UNC13C: variants seen among roughly 807,000 people sequenced by gnomAD.
UNC13C encodes the protein protein unc-13 homolog C.
UNC13C carries 174 observed loss-of-function variants against 245.4 expected under a neutral mutation model. The observed-to-expected ratio is 0.71, with a 90% CI of 0.63 to 0.80. The LOEUF (loss-of-function observed/expected upper bound fraction) is 0.80, where lower values mean the gene tolerates loss of function less well. UNC13C is among the 30% of genes least tolerant of loss of function. The pLI is 0.00. For synonymous variants in UNC13C, 992 were observed against 895.1 expected (o/e 1.11, Z -1.93); for missense variants, 2,829 against 2,602.9 (o/e 1.09, Z -1.89).
the UNC13C span, among the ~76,000 whole-genome samples, chr15:53,887,120 G>T: frequency 6.6e-6 from 1 of 152,060 alleles, no homozygotes; most frequent in Non-Finnish European, 1.5e-5. Context: ...TATCAATATG[G>T]CTTCATTAAT....
Position 54,516,223 on chromosome 15 carries a change from C to G in UNC13C, c.5457+4393C>G, listed in dbSNP as rs74016640. On this transcript the variant is annotated intron_variant, in intron 24 of 32. Coordinates refer to ENST00000260323, the MANE Select transcript of UNC13C (RefSeq NM_001080534.3). ...ATTAATCTTCATCATTTTTCACTTG[C>G]CACTAGCCTCTCAACTTTAAACGTG... 2.4e-3 allele frequency among the ~76,000 whole-genome samples: 362 copies of G among 152,244 alleles called. 3 individuals are homozygous for G. Among genetic ancestry groups the G allele is most frequent in the African/African-American group, 8.4e-3 (349 of 41,558 alleles).
chr15:54,475,119 G>GT (rs1023196892), intron 19 of UNC13C, among the ~76,000 whole-genome samples: 42 of 151,864 alleles, frequency 2.8e-4, no homozygotes, highest in Middle Eastern at 3.4e-3. Context: ...TGATTTGTCT[G>GT]TTTTTTCTTT....
intron 2 of UNC13C, among the ~76,000 whole-genome samples, chr15:54,109,958 C>G (rs996202327): frequency 6.6e-6 from 1 of 152,086 alleles, no homozygotes; most frequent in African/African-American, 2.4e-5. Flanking sequence ...TCATTTCCAG[C>G]TATTGTTGCA....
At chr15:54,388,606 T>G (rs1051471995) in intron 17 of UNC13C, among the ~76,000 whole-genome samples, 1 of 152,296 alleles carries the variant, frequency 6.6e-6, no homozygotes, top group African/African-American at 2.4e-5. Context: ...GCAAGTCACA[T>G]TCTTATTTAT....
At chr15:54,356,185 A>G (rs1398644574) in intron 17 of UNC13C, among the ~76,000 whole-genome samples, 1 of 152,230 alleles carries the variant, frequency 6.6e-6, no homozygotes, top group African/African-American at 2.4e-5. Context: ...TGATGCTAGA[A>G]AGACATGATA....
At chr15:54,461,545 A>G (rs2141026083) in intron 19 of UNC13C, among the ~76,000 whole-genome samples, 1 of 152,316 alleles carries the variant, frequency 6.6e-6, no homozygotes, top group East Asian at 1.9e-4. Flanking sequence ...TCTTCATTTT[A>G]ATATTAAAAA....
chr15:53,991,547 C>T (rs1894389631), intron 1 of UNC13C, among the ~76,000 whole-genome samples: 1 of 151,974 alleles, frequency 6.6e-6, no homozygotes, highest in African/African-American at 2.4e-5. Flanking sequence ...CTAGATCAGA[C>T]TTGGTGAATC....
chr15:54,260,923 G>C (rs1417688786), intron 8 of UNC13C, among the ~76,000 whole-genome samples: 1 of 151,794 alleles, frequency 6.6e-6, no homozygotes, highest in Admixed American at 6.6e-5. Flanking sequence ...AAGTTTAGAT[G>C]TTTTGTCTGA....
At chr15:54,333,129 T>C (rs964290164) in intron 15 of UNC13C, among the ~76,000 whole-genome samples, 3 of 152,082 alleles carry the variant, frequency 2.0e-5, no homozygotes, top group South Asian at 2.1e-4. Flanking sequence ...TAGAAAAGCA[T>C]GTTAACATGT....
intron 19 of UNC13C, among the ~76,000 whole-genome samples, chr15:54,451,641 GT>G (rs1436638505): frequency 2.0e-5 from 3 of 151,840 alleles, no homozygotes; most frequent in African/African-American, 7.3e-5. Context: ...TCTTTTGTAT[GT>G]TTCTCATTTA....
intron 2 of UNC13C, among the ~76,000 whole-genome samples, chr15:54,105,113 A>T (rs569521441): frequency 6.6e-6 from 1 of 152,230 alleles, no homozygotes; most frequent in Non-Finnish European, 1.5e-5. Flanking sequence ...TGATAGTTCA[A>T]TAGTTCTTAT....
chr15:54,202,209 G>T (rs2034545737), intron 4 of UNC13C, among the ~76,000 whole-genome samples: 1 of 151,872 alleles, frequency 6.6e-6, no homozygotes, highest in Non-Finnish European at 1.5e-5. Flanking sequence ...GCTCATAGAT[G>T]GATAGAATCA....
At chr15:54,133,408 C>T (rs1466220573) in intron 2 of UNC13C, among the ~76,000 whole-genome samples, 4 of 151,964 alleles carry the variant, frequency 2.6e-5, no homozygotes, top group African/African-American at 9.7e-5. Context: ...TGCTGTTCGC[C>T]GAGTAAATAT....
At chr15:54,443,296 T>C (rs1890632129) in intron 19 of UNC13C, among the ~76,000 whole-genome samples, 1 of 152,120 alleles carries the variant, frequency 6.6e-6, no homozygotes, top group Admixed American at 6.6e-5. Context: ...ATTTGGATCT[T>C]TTTCTTTTAT....
At chr15:54,042,769 C>G (rs1046065022) in intron 2 of UNC13C, among the ~76,000 whole-genome samples, 3 of 152,064 alleles carry the variant, frequency 2.0e-5, no homozygotes, top group Admixed American at 6.5e-5. Context: ...AGGAGAATGG[C>G]GTGAACCCGG....
chr15:54,382,080 A>C (rs573050527), intron 17 of UNC13C, among the ~76,000 whole-genome samples: 1 of 152,330 alleles, frequency 6.6e-6, no homozygotes, highest in South Asian at 2.1e-4. Flanking sequence ...CTAGAAATCA[A>C]TAGCAAGAAG....
Position 54,430,072 on chromosome 15 carries a change from C to T in UNC13C, c.4933+15005C>T, listed in dbSNP as rs542165674. ...CGCTTATTTTTTACAGTATTCTATA[C>T]ATTCAGCATTTTTTTAATTTAACCC... On this transcript the variant is annotated intron_variant, in intron 19 of 32. Coordinates refer to ENST00000260323, the MANE Select transcript of UNC13C (RefSeq NM_001080534.3). 2.0e-5 allele frequency among the ~76,000 whole-genome samples: 3 copies of T among 151,684 alleles called. No homozygotes were observed. The East Asian group carries it at 5.9e-4, about 30-fold the overall frequency.
chr15:53,886,380 G>T, the UNC13C span, among the ~76,000 whole-genome samples: 8,424 of 152,156 alleles, frequency 0.055, 278 homozygotes, highest in Middle Eastern at 0.14. Flanking sequence ...ATGTCAAAGG[G>T]TCACAGGAGC....
At chr15:54,293,696 C>G (rs1045104559) in intron 10 of UNC13C, among the ~76,000 whole-genome samples, 199 bp from the exon 11 acceptor site, 3 of 151,890 alleles carry the variant, frequency 2.0e-5, no homozygotes, top group Admixed American at 6.6e-5. Flanking sequence ...TTGATTTTCC[C>G]TTATTAACAT....
Sources: gnomAD v4.1 joint callset for allele counts (sites outside exome capture counted in the v4.1 genomes callset) on GRCh38, gnomAD v4.1.1 for gene constraint, MANE v1.5 for transcripts, NCBI Gene and HGNC (gene_info 2026-07-23, HGNC 2026-07-21) for gene names.